The following TENM3 variants were observed in gnomAD, a reference collection of about 807,000 sequenced individuals.
TENM3 encodes teneurin-3.
Under a neutral mutation model 255.1 loss-of-function variants are expected in TENM3, and 63 were observed. The observed-to-expected ratio is 0.25, with a 90% CI of 0.20 to 0.30. TENM3 has a LOEUF of 0.30. TENM3 is among the 10% of genes least tolerant of loss of function. TENM3 has a pLI of 1.00. For synonymous variants in TENM3, 1,306 were observed against 1,322.3 expected (o/e 0.99, Z 0.27); for missense variants, 2,929 against 3,461.1 (o/e 0.85, Z 3.86).
chr4:182,219,533 T>G (rs1413600973), intron 1 of TENM3, among the ~76,000 whole-genome samples: 1 of 151,872 alleles, frequency 6.6e-6, no homozygotes, highest in Admixed American at 6.6e-5. Context: ...GGCGTAGTGT[T>G]GCATGCCTTT....
the TENM3 span, among the ~76,000 whole-genome samples, chr4:181,624,820 A>G: frequency 3.3e-3 from 509 of 152,296 alleles, no homozygotes; most frequent in Non-Finnish European, 5.9e-3. Flanking sequence ...GCTCATTCAC[A>G]CAGTTGCAGT....
the TENM3 span, among the ~76,000 whole-genome samples, chr4:182,000,736 G>A: frequency 7.2e-5 from 11 of 151,788 alleles, no homozygotes; most frequent in East Asian, 3.9e-4. Context: ...TAAGAAAACA[G>A]GAGTCTACAA....
chr4:182,019,434 A>G, the TENM3 span, among the ~76,000 whole-genome samples: 1 of 152,116 alleles, frequency 6.6e-6, no homozygotes, highest in South Asian at 2.1e-4. Context: ...CCTTTGCTAT[A>G]TGTGTGATGT....
chr4:182,483,119 CATT>C (rs1212972518), intron 3 of TENM3, among the ~76,000 whole-genome samples: 1 of 152,094 alleles, frequency 6.6e-6, no homozygotes, highest in Non-Finnish European at 1.5e-5. Flanking sequence ...AAGCAGAACT[CATT>C]AATGCATGTT....
At chr4:181,486,675 A>G in the TENM3 span, among the ~76,000 whole-genome samples, 1 of 152,162 alleles carries the variant, frequency 6.6e-6, no homozygotes, top group South Asian at 2.1e-4. Context: ...ACCACAGTTG[A>G]TGTTGTGTTA....
At chr4:182,346,068 T>TAC (rs139037583) in intron 2 of TENM3, among the ~76,000 whole-genome samples, 68 of 149,364 alleles carry the variant, frequency 4.6e-4, no homozygotes, top group African/African-American at 1.6e-3. Context: ...CACACACATA[T>TAC]ATACATACAT....
intron 3 of TENM3, among the ~76,000 whole-genome samples, chr4:182,440,373 A>G (rs1772377955): frequency 6.6e-6 from 1 of 151,856 alleles, no homozygotes. Context: ...CGGCCTCCCA[A>G]AGTGCTGGGA....
intron 4 of TENM3, 143 bp downstream of exon 4, chr4:182,601,304 ATTG>A (rs1747829789): frequency 1.4e-6 from 1 of 689,780 alleles, no homozygotes; most frequent in Non-Finnish European, 2.4e-6. Context: ...GCAGTTCCAG[ATTG>A]TTGTGATTTT....
chr4:182,444,845 G>T (rs1449580724), intron 3 of TENM3, among the ~76,000 whole-genome samples: 1 of 152,102 alleles, frequency 6.6e-6, no homozygotes, highest in Non-Finnish European at 1.5e-5. Flanking sequence ...CAGCTGCCCA[G>T]GCTGGAATGC....
the TENM3 span, among the ~76,000 whole-genome samples, chr4:181,461,527 G>A: frequency 3.3e-5 from 5 of 151,930 alleles, no homozygotes; most frequent in African/African-American, 1.2e-4. Context: ...TCCTCTACAC[G>A]TCATTGATGC....
At chr4:182,413,325 A>G (rs1310708490) in intron 3 of TENM3, among the ~76,000 whole-genome samples, 1 of 152,170 alleles carries the variant, frequency 6.6e-6, no homozygotes, top group Non-Finnish European at 1.5e-5. Context: ...GACATTATCT[A>G]TTATCTACAG....
chr4:182,708,011 C>G (rs776140733), intron 12 of TENM3: 3 of 135,294 alleles, frequency 2.2e-5, no homozygotes, highest in Non-Finnish European at 3.2e-5. Context: ...CTTTTTTTTT[C>G]TAAATCTCCA....
In TENM3 at chr4:182,650,234, A is replaced by G. The variant is rs570629022; in HGVS notation, c.989-3537A>G. On this transcript the variant is annotated intron_variant, in intron 5 of 27. Coordinates refer to ENST00000511685, the MANE Select transcript of TENM3 (RefSeq NM_001080477.4). ...ATGTCTGTGGCCGGGGATGCCTGGT[A>G]TCACTCCTGGCTTGTACGTCTTCAC... is the stretch of plus-strand genomic sequence containing the variant. 2.7e-5 allele frequency among the ~76,000 whole-genome samples: 4 copies of G among 150,264 alleles called. No homozygotes were observed. The South Asian group carries it at 8.8e-4, about 33-fold the overall frequency.
the TENM3 span, among the ~76,000 whole-genome samples, chr4:181,890,103 C>A: frequency 1.3e-5 from 2 of 152,180 alleles, no homozygotes; most frequent in Non-Finnish European, 2.9e-5. Context: ...GTATGAGGTT[C>A]AGTGTATCTG....
chr4:181,826,784 C>T, the TENM3 span, among the ~76,000 whole-genome samples: 87 of 152,262 alleles, frequency 5.7e-4, 1 homozygote, highest in African/African-American at 1.9e-3. Context: ...GGTGAGATCC[C>T]GGCAAAGGTA....
intron 1 of TENM3, among the ~76,000 whole-genome samples, chr4:182,230,108 G>A (rs1756460832): frequency 1.4e-5 from 2 of 141,548 alleles, no homozygotes; most frequent in East Asian, 2.0e-4. Flanking sequence ...TTTCATGTCC[G>A]CTGCTTGCTT....
chr4:182,053,721 G>C, the TENM3 span, among the ~76,000 whole-genome samples: 5 of 152,150 alleles, frequency 3.3e-5, no homozygotes, highest in Non-Finnish European at 7.4e-5. Flanking sequence ...GATTTATTTT[G>C]TATTTCACCA....
intron 22 of TENM3, among the ~76,000 whole-genome samples, chr4:182,769,857 C>T (rs550112243): frequency 2.6e-5 from 4 of 152,054 alleles, no homozygotes; most frequent in Non-Finnish European, 5.9e-5. Context: ...GTAATCTCAA[C>T]ACTTTAGGAG....
At chr4:181,712,435 C>G in the TENM3 span, among the ~76,000 whole-genome samples, 2 of 152,148 alleles carry the variant, frequency 1.3e-5, no homozygotes, top group Non-Finnish European at 2.9e-5. Context: ...GTATCACTCC[C>G]CCTTTGCCTT....
Sources: gnomAD v4.1 joint callset for allele counts (sites outside exome capture counted in the v4.1 genomes callset) on GRCh38, gnomAD v4.1.1 for gene constraint, MANE v1.5 for transcripts, NCBI Gene and HGNC (gene_info 2026-07-23, HGNC 2026-07-21) for gene names.